Variants in TECPR1 observed in about 807,000 individuals in gnomAD.
TECPR1 encodes tectonin beta-propeller repeat-containing protein 1.
In TECPR1, 122 loss-of-function variants were observed where a neutral mutation model predicts 162.4. The ratio of observed to expected loss-of-function variants is 0.75; its 90% CI spans 0.65 to 0.87. The LOEUF (loss-of-function observed/expected upper bound fraction) is 0.87, where lower values mean the gene tolerates loss of function less well. Ranked by LOEUF, TECPR1 falls within the 40% of genes least tolerant of loss-of-function variation. The probability of loss-of-function intolerance (pLI) is 0.00; values close to 1 mark genes in which losing one functional copy is unlikely to be tolerated. For missense variants in TECPR1, 1,432 were observed against 1,618.2 expected (o/e 0.88, Z 1.97); for synonymous variants, 642 against 670.6 (o/e 0.96, Z 0.66).
Position 98,222,392 on chromosome 7 carries a change from G to C in TECPR1, c.3058C>G (p.Pro1020Ala), listed in dbSNP as rs960430405. Residue 1020 changes from proline to alanine, a missense_variant, in exon 22 of 26, where the codon CCA becomes GCA. Coordinates refer to ENST00000447648, the MANE Select transcript of TECPR1 (RefSeq NM_015395.3). Reference protein sequence around the residue: ...FYRGSVYPSQPAGDCWYHIPS... With the variant: ...FYRGSVYPSQAAGDCWYHIPS... ...CCTGGGGCGCGGCACTCACCGGCTGGCTGCGAGGGGTACACGGATCCCCGG... is the reference window on the plus strand; with the variant it reads ...CCTGGGGCGCGGCACTCACCGGCTGCCTGCGAGGGGTACACGGATCCCCGG... The C allele has an allele frequency of 6.2e-7, 1 of 1,602,826 alleles. No homozygotes were observed. The highest frequency in any genetic ancestry group is 8.5e-7 in the Non-Finnish European group (1 of 1,175,606).
chr7:98,234,746 T>C (rs1462792643), intron 10 of TECPR1, among the ~76,000 whole-genome samples: 1 of 147,796 alleles, frequency 6.8e-6, no homozygotes, highest in African/African-American at 2.5e-5. Flanking sequence ...AGTCTTTCTC[T>C]GTTGCCCAGG....
chr7:98,228,939 A>G, intron 16 of TECPR1, 100 bp downstream of exon 16: 9 of 1,457,294 alleles, frequency 6.2e-6, no homozygotes, highest in Non-Finnish European at 8.2e-6. Context: ...CCGAGTGTGA[A>G]CACTGGGACA....
Position 98,222,874 on chromosome 7 carries a change from G to A in TECPR1, c.2928+116C>T, listed in dbSNP as rs1043665320. ...GCCCCAGGGCACAGGGACCCACTCG[G>A]ACCACAGGCAGTGTCCACTGGTCCT... On this transcript the variant is annotated intron_variant, in intron 21 of 25. Coordinates refer to ENST00000447648, the MANE Select transcript of TECPR1 (RefSeq NM_015395.3). 4.3e-6 allele frequency: 6 copies of A among 1,380,214 alleles called. No homozygotes were observed. The African/African-American group carries it at 7.1e-5, about 16-fold the overall frequency. The allele number at this position is 1,380,214 out of a possible 1,614,324, so 85.5% of individuals were successfully genotyped here. A position where few individuals can be genotyped will look rare whatever the true frequency, so the allele number is the denominator to read the frequency against.
chr7:98,222,556 G>A, intron 21 of TECPR1, 35 bp from the exon 22 acceptor site: 1 of 1,548,652 alleles, frequency 6.5e-7, no homozygotes, highest in Non-Finnish European at 8.7e-7. Flanking sequence ...GAGGTCACCA[G>A]GGCCCCCACC....
intron 2 of TECPR1, among the ~76,000 whole-genome samples, chr7:98,248,941 T>G (rs1584363167): frequency 6.7e-6 from 1 of 148,580 alleles, no homozygotes; most frequent in East Asian, 2.0e-4. Flanking sequence ...CAGGCTGGAG[T>G]GCAGTGGCAT....
chr7:98,231,586 TG>T, intron 13 of TECPR1: 1 of 423,628 alleles, frequency 2.4e-6, no homozygotes, highest in Non-Finnish European at 3.9e-6. Context: ...CCCCCATTTC[TG>T]TACTCCCTCT....
chr7:98,243,117 CCCATCCAT>C (rs1798812204), intron 6 of TECPR1, among the ~76,000 whole-genome samples: 3 of 150,228 alleles, frequency 2.0e-5, no homozygotes, highest in African/African-American at 7.4e-5. Context: ...CACCCATCCA[CCCATCCAT>C]CCACACACCC....
chr7:98,248,202 G>T (rs1255541915), intron 2 of TECPR1, among the ~76,000 whole-genome samples: 2 of 152,126 alleles, frequency 1.3e-5, no homozygotes, highest in Admixed American at 1.3e-4. Flanking sequence ...GGGCCACATG[G>T]CCACACACAA....
At chr7:98,240,997 C>A (rs1463275606) in intron 7 of TECPR1, 46 bp from the exon 8 acceptor site, 1 of 1,587,682 alleles carries the variant, frequency 6.3e-7, no homozygotes, top group Admixed American at 1.8e-5. Flanking sequence ...TCAGCCTGGA[C>A]AGCTGGGGAG....
intron 19 of TECPR1, among the ~76,000 whole-genome samples, chr7:98,224,022 G>A (rs868195976): frequency 1.3e-5 from 2 of 152,104 alleles, no homozygotes; most frequent in African/African-American, 2.4e-5. Flanking sequence ...GGGCTGGAGC[G>A]GAGCAGTCAC....
chr7:98,231,097 A>G lies in TECPR1; in HGVS notation c.2146T>C (p.Cys716Arg). The change falls in exon 15 of 26, where the codon TGC becomes CGC. Residue 716 changes from cysteine (C) to arginine (R), a missense_variant. Physicochemically the swap from Cys to Arg is radical, Grantham distance 180. Coordinates refer to ENST00000447648, the MANE Select transcript of TECPR1 (RefSeq NM_015395.3). ...NDWLALLSLSCCESRKVQGRP... is the reference protein window; with the variant it reads ...NDWLALLSLSRCESRKVQGRP... Reference sequence around the variant, plus strand: ...CCCTGCACCTTCCGGCTCTCGCAGCAAGACAGGCTGAGCAGGGCGAGCTGG... The same window carrying G: ...CCCTGCACCTTCCGGCTCTCGCAGCGAGACAGGCTGAGCAGGGCGAGCTGG... 1 of 1,603,742 alleles carries G rather than the reference A, an allele frequency of 6.2e-7. No homozygotes were observed.
In TECPR1 at chr7:98,222,238, C is replaced by A. The variant is rs1584323213; in HGVS notation, c.3064+148G>T. On this transcript the variant is annotated intron_variant, in intron 22 of 25. Coordinates refer to ENST00000447648, the MANE Select transcript of TECPR1 (RefSeq NM_015395.3). ...AGCTGCCCCATTACCAGGGTGACCA[C>A]CTCCCAGTCAGTCCCAGTGGGAGGG... 3.3e-6 allele frequency: 4 copies of A among 1,219,100 alleles called. No homozygotes were observed. The East Asian group carries it at 1.0e-4, about 31-fold the overall frequency. 75.5% of individuals were successfully genotyped at this position (1,219,100 alleles called of 1,614,324 possible). A position where few individuals can be genotyped will look rare whatever the true frequency, so the allele number is the denominator to read the frequency against.
rs777420492 is a variant in TECPR1, at chr7:98,224,840, G to A, written c.2651C>T (p.Thr884Met). 1.6e-5 allele frequency: 26 copies of A among 1,578,068 alleles called. No individual in the cohort carries two copies. Among genetic ancestry groups the A allele is most frequent in the Admixed American group, 5.5e-5 (3 of 54,488 alleles). The change falls in exon 19 of 26, where the codon ACG becomes ATG. Residue 884 changes from threonine (T) to methionine (M), a missense_variant. Thr to Met is a moderately conservative substitution (Grantham distance 81). Coordinates refer to ENST00000447648, the MANE Select transcript of TECPR1 (RefSeq NM_015395.3). ...WFVDFSVPGG[T>M]DQEGWQYASD... ...GGCATACTGCCACCCCTCCTGGTCC[G>A]TGCCCCCCGGAACGCTGAAATCCAC...
chr7:98,243,449 G>A lies in TECPR1; in HGVS notation c.657+18C>T. On this transcript the variant is annotated intron_variant, in intron 6 of 25. Coordinates refer to ENST00000447648, the MANE Select transcript of TECPR1 (RefSeq NM_015395.3). Reference sequence around the variant, plus strand: ...TGGGATCGTGGGGAGCCAGGGCAGGGAGAGGGGTTGGCCTTACCTTGCCCT... The same window carrying A: ...TGGGATCGTGGGGAGCCAGGGCAGGAAGAGGGGTTGGCCTTACCTTGCCCT... 1.2e-6 allele frequency: 2 copies of A among 1,611,540 alleles called. No individual in the cohort carries two copies. The highest frequency in any genetic ancestry group is 1.1e-5 in the South Asian group (1 of 91,046).
Position 98,236,671 on chromosome 7 carries a change from C to T in TECPR1, c.1181+105G>A, listed in dbSNP as rs955787919. ...CCATTTTCTCCTGCCTGGGACAAGT[C>T]CTGGGACCCAGTGGGGCAGGTGGCA... On this transcript the variant is annotated intron_variant, in intron 10 of 25. Transcript: ENST00000447648. The T allele has an allele frequency of 9.0e-6, 13 of 1,451,162 alleles. 1 individual carries two copies. The Admixed American group carries it at 2.4e-4, about 27-fold the overall frequency. 89.9% of individuals were successfully genotyped at this position (1,451,162 alleles called of 1,614,324 possible).
Position 98,217,297 on chromosome 7 carries a change from T to A in TECPR1, c.*93A>T. The stretch of plus-strand genomic sequence containing the variant: ...CCCTCCTGAGTCCACCTGGGCCACA[T>A]TGCTCCCACGGTGCACACTCCAGCA... On this transcript the variant is annotated 3_prime_UTR_variant, in exon 26 of 26. Transcript: ENST00000447648. 1.2e-6 allele frequency: 1 copy of A among 865,692 alleles called. No homozygotes were observed. Among genetic ancestry groups the A allele is most frequent in the Non-Finnish European group, 1.7e-6 (1 of 575,948 alleles). 53.6% of individuals were successfully genotyped at this position (865,692 alleles called of 1,614,324 possible). A position where few individuals can be genotyped will look rare whatever the true frequency, so the allele number is the denominator to read the frequency against.
In TECPR1 at chr7:98,233,911, A is replaced by G; in HGVS notation, c.1182T>C (p.Ser394=). The G allele has an allele frequency of 6.5e-7, 1 of 1,529,624 alleles. No individual in the cohort carries two copies. The allele number at this position is 1,529,624 out of a possible 1,614,324, so 94.8% of individuals were successfully genotyped here. A position where few individuals can be genotyped will look rare whatever the true frequency, so the allele number is the denominator to read the frequency against. Residue 394 remains serine, a splice_region_variant and synonymous_variant, in exon 11 of 26, where the codon AGT becomes AGC. Coordinates refer to ENST00000447648, the MANE Select transcript of TECPR1 (RefSeq NM_015395.3). ...CCTCATCACCGAAGAAGCAGCCGGC[A>G]CTGGGGACAAATCAGGGCAGACCCA... ...SHSGSSSSLL[S]AGCFFGDEVR... is the part of the protein sequence containing the mutation.
At chr7:98,231,453 C>T in intron 13 of TECPR1, 80 bp from the exon 14 acceptor site, 1 of 1,449,806 alleles carries the variant, frequency 6.9e-7, no homozygotes, top group South Asian at 1.3e-5. Context: ...TGTGCTTCAC[C>T]CTGGGACCCT....
intron 15 of TECPR1, among the ~76,000 whole-genome samples, chr7:98,229,765 C>G (rs781475565): frequency 6.6e-6 from 1 of 152,162 alleles, no homozygotes; most frequent in Non-Finnish European, 1.5e-5. Flanking sequence ...AATCCTCTGA[C>G]AGGATATTGC....
Sources: gnomAD v4.1 joint callset for allele counts (sites outside exome capture counted in the v4.1 genomes callset) on GRCh38, gnomAD v4.1.1 for gene constraint, MANE v1.5 for transcripts, NCBI Gene and HGNC (gene_info 2026-07-23, HGNC 2026-07-21) for gene names.